TBCA: variants seen among roughly 807,000 people sequenced by gnomAD.
The protein encoded by TBCA is tubulin-specific chaperone A.
In TBCA, 6 loss-of-function variants were observed where a neutral mutation model predicts 15.8. The ratio of observed to expected loss-of-function variants is 0.38; its 90% CI spans 0.21 to 0.75. The LOEUF is 0.75. TBCA is among the 30% of genes least tolerant of loss of function. The pLI is 0.46. For synonymous variants in TBCA, 32 were observed against 42.3 expected (o/e 0.76, Z 0.94); for missense variants, 90 against 131.2 (o/e 0.69, Z 1.53).
intron 1 of TBCA, among the ~76,000 whole-genome samples, chr5:77,748,485 C>CT (rs35974461): frequency 9.0e-4 from 133 of 148,274 alleles, no homozygotes; most frequent in South Asian, 1.1e-3. Context: ...TTTAGTTTTG[C>CT]TTTTTTTTTT....
At chr5:77,714,789 A>G (rs986776564) in intron 1 of TBCA, among the ~76,000 whole-genome samples, 1 of 152,078 alleles carries the variant, frequency 6.6e-6, no homozygotes, top group Non-Finnish European at 1.5e-5. Context: ...GATGGTCTCA[A>G]TCTCCTGACC....
chr5:77,695,469 C>T (rs1376835014), intron 2 of TBCA, among the ~76,000 whole-genome samples: 2 of 152,140 alleles, frequency 1.3e-5, no homozygotes, highest in African/African-American at 2.4e-5. Context: ...TCAAGAAGAT[C>T]ATGCCACAGA....
At chr5:77,697,155 T>C (rs1053044741) in intron 2 of TBCA, among the ~76,000 whole-genome samples, 3 of 152,132 alleles carry the variant, frequency 2.0e-5, no homozygotes, top group East Asian at 1.9e-4. Context: ...AAGCTGGGGA[T>C]TTCAATACCC....
At chr5:77,749,552 T>A (rs1402691398) in intron 1 of TBCA, among the ~76,000 whole-genome samples, 1 of 152,244 alleles carries the variant, frequency 6.6e-6, no homozygotes, top group Non-Finnish European at 1.5e-5. Flanking sequence ...TGTCTTACAG[T>A]GTAATTATTT....
At chr5:77,730,396 C>A (rs75503375) in intron 1 of TBCA, among the ~76,000 whole-genome samples, 11,312 of 152,180 alleles carry the variant, frequency 0.074, 638 homozygotes, top group South Asian at 0.18. Flanking sequence ...AAGGATTCTT[C>A]CCTAAGCCTC....
chr5:77,751,159 C>CTTTTTTTT (rs10573352), intron 1 of TBCA, among the ~76,000 whole-genome samples: 19 of 81,924 alleles, frequency 2.3e-4, no homozygotes, highest in East Asian at 7.3e-4. Flanking sequence ...TTCTTTCTTT[C>CTTTTTTTT]TTTTTTTTTT....
At chr5:77,710,649 A>C (rs1746258230) in intron 1 of TBCA, among the ~76,000 whole-genome samples, 1 of 152,174 alleles carries the variant, frequency 6.6e-6, no homozygotes, top group Non-Finnish European at 1.5e-5. Flanking sequence ...CTGCATTCCC[A>C]CTACTGGCTG....
chr5:77,731,438 T>C (rs1391514449), intron 1 of TBCA, among the ~76,000 whole-genome samples: 1 of 152,196 alleles, frequency 6.6e-6, no homozygotes, highest in Non-Finnish European at 1.5e-5. Flanking sequence ...AAAATTAAAT[T>C]GTCTAATACC....
intron 1 of TBCA, among the ~76,000 whole-genome samples, chr5:77,724,587 A>C (rs1257540512): frequency 6.6e-6 from 1 of 152,146 alleles, no homozygotes; most frequent in African/African-American, 2.4e-5. Context: ...AAATGAACTG[A>C]CCTTGAAAAT....
At chr5:77,713,088 G>C (rs944670669) in intron 1 of TBCA, among the ~76,000 whole-genome samples, 1 of 152,114 alleles carries the variant, frequency 6.6e-6, no homozygotes, top group Non-Finnish European at 1.5e-5. Context: ...GAGGCCAGGA[G>C]TCTGAGACCA....
intron 1 of TBCA, among the ~76,000 whole-genome samples, chr5:77,717,411 GAAGA>G (rs1261310573): frequency 6.6e-6 from 1 of 151,808 alleles, no homozygotes; most frequent in African/African-American, 2.4e-5. Flanking sequence ...AAATAAACAT[GAAGA>G]AAGTAAGATT....
At chr5:77,715,210 A>T (rs1459803483) in intron 1 of TBCA, 4 of 696,282 alleles carry the variant, frequency 5.7e-6, no homozygotes, top group East Asian at 2.7e-5. Flanking sequence ...TAAAAAGTTG[A>T]TCTACTATGT....
At chr5:77,758,404 T>C (rs1269261802) in intron 1 of TBCA, among the ~76,000 whole-genome samples, 2 of 152,212 alleles carry the variant, frequency 1.3e-5, no homozygotes, top group African/African-American at 4.8e-5. Context: ...TGTTTCACTC[T>C]GACCCCTGTC....
Position 77,691,257 on chromosome 5 carries a change from C to T in TBCA, c.*161G>A. 1 of 632,894 alleles carries T rather than the reference C, an allele frequency of 1.6e-6. No homozygotes were observed. Among genetic ancestry groups the T allele is most frequent in the Non-Finnish European group, 2.7e-6 (1 of 375,978 alleles). 39.2% of individuals were successfully genotyped at this position (632,894 alleles called of 1,614,324 possible). A position where few individuals can be genotyped will look rare whatever the true frequency, so the allele number is the denominator to read the frequency against. The stretch of plus-strand genomic sequence containing the variant: ...AATAAACAATTTTATTAGATGAACT[C>T]ATTTATTTGACATATTAAATTAGAC... On this transcript the variant is annotated 3_prime_UTR_variant, in exon 4 of 4. Transcript: ENST00000380377.
At chr5:77,741,955 A>G (rs777975546) in intron 1 of TBCA, among the ~76,000 whole-genome samples, 1 of 152,170 alleles carries the variant, frequency 6.6e-6, no homozygotes, top group Non-Finnish European at 1.5e-5. Context: ...ATGAATAACT[A>G]AGTTCAAAGC....
At chr5:77,703,821 C>T (rs1746079703) in intron 2 of TBCA, among the ~76,000 whole-genome samples, 2 of 152,080 alleles carry the variant, frequency 1.3e-5, no homozygotes, top group South Asian at 2.1e-4. Context: ...TACTCTGTGT[C>T]CCCACACAAT....
chr5:77,771,857 T>C, intron 1 of TBCA, among the ~76,000 whole-genome samples: 1 of 152,148 alleles, frequency 6.6e-6, no homozygotes, highest in Non-Finnish European at 1.5e-5. Context: ...CTACCCAAAC[T>C]GAACTCTAGG....
chr5:77,708,578 T>C, intron 1 of TBCA: 1 of 264,670 alleles, frequency 3.8e-6, no homozygotes, highest in South Asian at 7.8e-5. Flanking sequence ...CATGAAATTC[T>C]TTTTTTTCTT....
intron 1 of TBCA, among the ~76,000 whole-genome samples, chr5:77,719,182 C>T (rs755072016): frequency 6.6e-6 from 1 of 152,080 alleles, no homozygotes; most frequent in Non-Finnish European, 1.5e-5. Context: ...ACCTGCAATT[C>T]AAAGAAGTGA....
Sources: allele counts gnomAD v4.1 joint callset (sites outside exome capture counted in the v4.1 genomes callset), GRCh38; gene constraint gnomAD v4.1.1; transcripts MANE v1.5; gene names NCBI Gene and HGNC (gene_info 2026-07-23, HGNC 2026-07-21).